LRRTM4: variants seen among roughly 807,000 people sequenced by gnomAD.
The protein encoded by LRRTM4 is leucine-rich repeat transmembrane neuronal protein 4.
In LRRTM4, 25 loss-of-function variants were observed where a neutral mutation model predicts 47.6. That is an observed-to-expected ratio of 0.53 (90% CI 0.38 to 0.73). The LOEUF is 0.73. LRRTM4 is among the 30% of genes least tolerant of loss of function. LRRTM4 has a pLI of 0.00. For missense variants in LRRTM4, 638 were observed against 713.4 expected, an observed-to-expected ratio of 0.89 and a Z score of 1.20; for synonymous variants, 311 against 269.5, an observed-to-expected ratio of 1.15 and a Z score of -1.51.
intron 3 of LRRTM4, among the ~76,000 whole-genome samples, chr2:76,862,694 C>G (rs1005234513): frequency 1.3e-5 from 2 of 152,194 alleles, no homozygotes; most frequent in Non-Finnish European, 2.9e-5. Context: ...TTGATAAGAG[C>G]AGAGGATGCT....
chr2:76,917,184 G>T (rs913166073), intron 3 of LRRTM4, among the ~76,000 whole-genome samples: 7 of 152,170 alleles, frequency 4.6e-5, no homozygotes, highest in African/African-American at 1.2e-4. Context: ...GGTCATAAAT[G>T]ATATGCAAAT....
intron 3 of LRRTM4, among the ~76,000 whole-genome samples, chr2:76,841,863 T>G (rs542734022): frequency 6.6e-6 from 1 of 152,278 alleles, no homozygotes; most frequent in East Asian, 1.9e-4. Context: ...TACTTTCACA[T>G]ATCAAATCTG....
At chr2:76,838,751 T>A (rs922301061) in intron 3 of LRRTM4, among the ~76,000 whole-genome samples, 3 of 149,966 alleles carry the variant, frequency 2.0e-5, no homozygotes, top group East Asian at 3.9e-4. Context: ...GAAATGATGC[T>A]CTCTATTTTG....
chr2:77,257,384 G>T (rs1675800106), intron 3 of LRRTM4, among the ~76,000 whole-genome samples: 1 of 151,412 alleles, frequency 6.6e-6, no homozygotes, highest in African/African-American at 2.4e-5. Context: ...TATAAAAATT[G>T]CATTTTAATA....
At chr2:77,305,503 C>T (rs899528246) in intron 3 of LRRTM4, among the ~76,000 whole-genome samples, 1 of 152,040 alleles carries the variant, frequency 6.6e-6, no homozygotes. Context: ...AAGACTTGTG[C>T]CTTTAAAATC....
chr2:77,470,085 G>T (rs934966997), intron 3 of LRRTM4, among the ~76,000 whole-genome samples: 1 of 152,116 alleles, frequency 6.6e-6, no homozygotes, highest in African/African-American at 2.4e-5. Flanking sequence ...GCTCTATAAG[G>T]CATAGTTTCT....
chr2:77,297,584 A>G (rs1284469541), intron 3 of LRRTM4, among the ~76,000 whole-genome samples: 3 of 152,120 alleles, frequency 2.0e-5, no homozygotes, highest in Non-Finnish European at 4.4e-5. Flanking sequence ...CCAGGGATTA[A>G]TTAAGTCTGG....
chr2:76,812,776 C>CCCTCCTCCCCTCCCTCCCCCCTT (rs1670780367), intron 3 of LRRTM4, among the ~76,000 whole-genome samples: 10 of 85,634 alleles, frequency 1.2e-4, no homozygotes, highest in South Asian at 4.9e-4. Context: ...CTCTCCCTCC[C>CCCTCCTCCCCTCCCTCCCCCCTT]CCTCCTCCTC....
At chr2:76,969,062 T>G (rs1198658843) in intron 3 of LRRTM4, among the ~76,000 whole-genome samples, 2 of 151,910 alleles carry the variant, frequency 1.3e-5, no homozygotes, top group Non-Finnish European at 2.9e-5. Context: ...TTACTCTCTA[T>G]TTCACTTTTT....
chr2:77,490,057 C>G (rs1455553974), intron 3 of LRRTM4, among the ~76,000 whole-genome samples: 1 of 152,116 alleles, frequency 6.6e-6, no homozygotes, highest in Non-Finnish European at 1.5e-5. Context: ...TGAGACAAGC[C>G]TGGCCAACAT....
intron 3 of LRRTM4, among the ~76,000 whole-genome samples, chr2:77,003,213 G>C (rs762686914): frequency 6.6e-6 from 1 of 151,462 alleles, no homozygotes; most frequent in Admixed American, 6.6e-5. Context: ...TTTTGTCCAC[G>C]TTTGTGTTTC....
chr2:77,084,625 T>C (rs1200957086), intron 3 of LRRTM4, among the ~76,000 whole-genome samples: 1 of 152,212 alleles, frequency 6.6e-6, no homozygotes, highest in Non-Finnish European at 1.5e-5. Flanking sequence ...GCTCTGTAGC[T>C]TGACTGATTT....
intron 3 of LRRTM4, among the ~76,000 whole-genome samples, chr2:77,053,777 T>C (rs1302645080): frequency 2.6e-5 from 4 of 152,160 alleles, no homozygotes; most frequent in Non-Finnish European, 5.9e-5. Flanking sequence ...GAAAATTAAA[T>C]TGAAATTTTG....
At chr2:76,812,756 T>TCTC (rs1162021384) in intron 3 of LRRTM4, among the ~76,000 whole-genome samples, 27 of 78,756 alleles carry the variant, frequency 3.4e-4, no homozygotes, top group African/African-American at 1.5e-3. Flanking sequence ...TCTCCCTCCT[T>TCTC]CTCCTCCTCC....
intron 3 of LRRTM4, among the ~76,000 whole-genome samples, chr2:77,078,902 T>C (rs1415041916): frequency 6.6e-6 from 1 of 152,134 alleles, no homozygotes; most frequent in African/African-American, 2.4e-5. Flanking sequence ...ACTGACAGAT[T>C]CTGTTTCTGG....
intron 3 of LRRTM4, among the ~76,000 whole-genome samples, chr2:77,480,404 G>T (rs559984709): frequency 3.9e-4 from 60 of 152,238 alleles, no homozygotes; most frequent in African/African-American, 1.3e-3. Context: ...CAAAGGAATA[G>T]TTTATTTATC....
chr2:77,513,986 T>G (rs1448155016), intron 3 of LRRTM4, among the ~76,000 whole-genome samples: 1 of 152,136 alleles, frequency 6.6e-6, no homozygotes, highest in Non-Finnish European at 1.5e-5. Flanking sequence ...GTAAAAAAAT[T>G]TAATTAATTT....
At chr2:76,843,909 A>ATTTTTTTTTTTTTTTTTT (rs60754198) in intron 3 of LRRTM4, among the ~76,000 whole-genome samples, 1 of 137,476 alleles carries the variant, frequency 7.3e-6, no homozygotes. Flanking sequence ...TTCTTTTTTC[A>ATTTTTTTTTTTTTTTTTT]TTTTTTTTTT....
intron 3 of LRRTM4, among the ~76,000 whole-genome samples, chr2:76,784,487 GC>G (rs1674568451): frequency 6.6e-6 from 1 of 152,038 alleles, no homozygotes; most frequent in African/African-American, 2.4e-5. Flanking sequence ...ATATATGAAT[GC>G]TGTGTTTTTC....
Sources: allele counts gnomAD v4.1 joint callset (sites outside exome capture counted in the v4.1 genomes callset), GRCh38; gene constraint gnomAD v4.1.1; transcripts MANE v1.5; gene names NCBI Gene and HGNC (gene_info 2026-07-23, HGNC 2026-07-21).